The following ACSL4 variants were observed in gnomAD, a reference collection of about 807,000 sequenced individuals.
The protein encoded by ACSL4 is long-chain-fatty-acid--CoA ligase 4.
Under a neutral mutation model 49.1 loss-of-function variants are expected in ACSL4, and 9 were observed. That is an observed-to-expected ratio of 0.18 (90% confidence interval 0.11 to 0.32). ACSL4 has a LOEUF of 0.32. Ranked by LOEUF, ACSL4 falls within the 10% of genes least tolerant of loss-of-function variation. ACSL4 has a pLI of 1.00. For missense variants in ACSL4, 333 were observed against 493.7 expected, an observed-to-expected ratio of 0.67 and a Z score of 3.08; for synonymous variants, 191 against 170.3, an observed-to-expected ratio of 1.12 and a Z score of -0.95.
chrX:109,648,475 C>T (rs1350699830), intron 15 of ACSL4, among the ~76,000 whole-genome samples: 14 of 110,978 alleles, frequency 1.3e-4, no homozygotes, highest in Non-Finnish European at 1.7e-4. Context: ...AATTCAACAA[C>T]GCTTCATGCT....
chrX:109,661,379 T>C, intron 14 of ACSL4, 152 bp downstream of exon 14: 2 of 475,757 alleles, frequency 4.2e-6, no homozygotes, highest in Non-Finnish European at 7.5e-6. Context: ...CTTTAAGCTG[T>C]TGAATTCACT....
rs184726361 is a variant in ACSL4, at chrX:109,645,717, T to C, written c.1856-1531A>G. On this transcript the variant is annotated intron_variant, in intron 15 of 15. Coordinates refer to ENST00000672401, the MANE Select transcript of ACSL4 (RefSeq NM_001318510.2). Reference sequence around the variant, plus strand: ...GAGAAGAAGGCTTCAGACAATCAAATTACTCCGAGCTACGGGAGGACATTC... The same window carrying C: ...GAGAAGAAGGCTTCAGACAATCAAACTACTCCGAGCTACGGGAGGACATTC... Among the ~76,000 whole-genome samples, 690 of 111,579 alleles carry C rather than the reference T, an allele frequency of 6.2e-3. 5 individuals are homozygous for C. The highest frequency in any genetic ancestry group is 0.01 in the Non-Finnish European group (552 of 52,983).
intron 9 of ACSL4, among the ~76,000 whole-genome samples, chrX:109,674,201 G>A (rs1431144960): frequency 8.9e-6 from 1 of 111,740 alleles, no homozygotes; most frequent in Admixed American, 9.5e-5. Context: ...TCAAACAGGC[G>A]TGCATTTCAA....
At chrX:109,697,654 A>G (rs996638192) in intron 1 of ACSL4, among the ~76,000 whole-genome samples, 52 of 97,346 alleles carry the variant, frequency 5.3e-4, no homozygotes, top group African/African-American at 1.8e-3. Context: ...AACAGAAGTC[A>G]GGTTATTTCA....
intron 1 of ACSL4, among the ~76,000 whole-genome samples, chrX:109,699,705 G>A (rs760594192): frequency 9.0e-6 from 1 of 111,534 alleles, no homozygotes; most frequent in South Asian, 3.7e-4. Context: ...GAGGTGAATT[G>A]TTTTAATATT....
intron 15 of ACSL4, among the ~76,000 whole-genome samples, chrX:109,651,164 T>G (rs1470694440): frequency 8.9e-6 from 1 of 112,129 alleles, no homozygotes; most frequent in African/African-American, 3.2e-5. Context: ...GGTAATTCTT[T>G]AAATTATGGA....
chrX:109,667,740 A>G (rs1418594342), intron 11 of ACSL4, among the ~76,000 whole-genome samples: 1 of 111,112 alleles, frequency 9.0e-6, no homozygotes, highest in African/African-American at 3.3e-5. Flanking sequence ...AAAAATACAA[A>G]AATTAGCTGG....
intron 11 of ACSL4, among the ~76,000 whole-genome samples, chrX:109,666,602 C>T (rs963227827): frequency 2.7e-5 from 3 of 111,597 alleles, no homozygotes; most frequent in Admixed American, 9.5e-5. Context: ...GTAATGTAGG[C>T]AGACACAGCT....
At chrX:109,709,148 T>C (rs1926573484) in intron 1 of ACSL4, among the ~76,000 whole-genome samples, 1 of 111,779 alleles carries the variant, frequency 8.9e-6, no homozygotes, top group African/African-American at 3.3e-5. Context: ...ATCAGTCCCC[T>C]ACAGGAAATT....
At chrX:109,712,934 C>A (rs1422300075) in intron 1 of ACSL4, among the ~76,000 whole-genome samples, 2 of 108,313 alleles carry the variant, frequency 1.8e-5, no homozygotes, top group Non-Finnish European at 3.8e-5. Context: ...CCACTGCACT[C>A]CAGCCTGGGC....
intron 1 of ACSL4, among the ~76,000 whole-genome samples, chrX:109,719,607 T>C (rs1308318834): frequency 8.9e-6 from 1 of 112,700 alleles, no homozygotes; most frequent in African/African-American, 3.2e-5. Context: ...GTTTTCATTC[T>C]GCTGCTGCCT....
intron 1 of ACSL4, among the ~76,000 whole-genome samples, chrX:109,730,522 A>G (rs1343813713): frequency 8.9e-6 from 1 of 112,049 alleles, no homozygotes; most frequent in East Asian, 2.8e-4. Flanking sequence ...CTGTCTCTCC[A>G]CATGCCCCCC....
intron 14 of ACSL4, among the ~76,000 whole-genome samples, chrX:109,661,117 T>TA (rs1922141847): frequency 9.0e-6 from 1 of 111,639 alleles, no homozygotes; most frequent in African/African-American, 3.2e-5. Context: ...TAAAAAAGAA[T>TA]AAAACCCATA....
At chrX:109,649,915 C>A (rs1407572590) in intron 15 of ACSL4, among the ~76,000 whole-genome samples, 3 of 107,669 alleles carry the variant, frequency 2.8e-5, no homozygotes, top group African/African-American at 1.0e-4. Context: ...AGCCAAAAAA[C>A]ACATGAAAAA....
intron 11 of ACSL4, 99 bp downstream of exon 11, chrX:109,668,002 A>G (rs779262168): frequency 1.7e-6 from 1 of 593,111 alleles, no homozygotes; most frequent in African/African-American, 2.2e-5. Flanking sequence ...GATATTAGTT[A>G]AGAGGTATTT....
intron 15 of ACSL4, among the ~76,000 whole-genome samples, chrX:109,644,727 G>A (rs971223724): frequency 1.1e-4 from 12 of 112,698 alleles, no homozygotes; most frequent in African/African-American, 2.3e-4. Flanking sequence ...CAGCCTGAGC[G>A]ACACAGAAGA....
chrX:109,689,153 T>C (rs1470755393), intron 2 of ACSL4, among the ~76,000 whole-genome samples: 1 of 111,414 alleles, frequency 9.0e-6, no homozygotes, highest in East Asian at 2.8e-4. Context: ...TACCCCCCTC[T>C]CTTTCTCACA....
At chrX:109,726,483 A>C (rs1171062459) in intron 1 of ACSL4, among the ~76,000 whole-genome samples, 4 of 112,221 alleles carry the variant, frequency 3.6e-5, no homozygotes, top group Non-Finnish European at 7.5e-5. Flanking sequence ...ATACAGGTTT[A>C]GTAGTAAAAA....
intron 1 of ACSL4, among the ~76,000 whole-genome samples, chrX:109,721,789 C>G (rs1243251121): frequency 9.0e-6 from 1 of 110,898 alleles, no homozygotes; most frequent in Admixed American, 9.5e-5. Flanking sequence ...TTCACCATAC[C>G]TCCCCACTCC....
Sources: allele counts gnomAD v4.1 joint callset (sites outside exome capture counted in the v4.1 genomes callset), GRCh38; gene constraint gnomAD v4.1.1; transcripts MANE v1.5; gene names NCBI Gene and HGNC (gene_info 2026-07-23, HGNC 2026-07-21).